The following AFG2A variants were observed in gnomAD, a reference collection of about 807,000 sequenced individuals.
AFG2A encodes AAA ATPase AFG2A.
the AFG2A span, among the ~76,000 whole-genome samples, chr4:123,205,998 C>T: frequency 6.6e-6 from 1 of 152,076 alleles, no homozygotes; most frequent in Admixed American, 6.6e-5. Flanking sequence ...TTCCTAAAAG[C>T]TAACTAAATG....
the AFG2A span, among the ~76,000 whole-genome samples, chr4:123,122,195 G>T: frequency 1.3e-5 from 2 of 152,090 alleles, no homozygotes; most frequent in Non-Finnish European, 2.9e-5. Flanking sequence ...AGATAGATTT[G>T]TTCTGAGATA....
the AFG2A span, chr4:122,933,957 A>C: frequency 4.1e-5 from 43 of 1,051,880 alleles, no homozygotes; most frequent in African/African-American, 6.3e-4. Context: ...TAGGTCCTCA[A>C]TTTTTTATGA....
the AFG2A span, among the ~76,000 whole-genome samples, chr4:123,239,516 G>T: frequency 1.3e-5 from 2 of 152,282 alleles, no homozygotes; most frequent in Middle Eastern, 3.4e-3. Flanking sequence ...AGAAGAGAGT[G>T]GGGGTCAAGA....
chr4:123,221,758 C>G, the AFG2A span, among the ~76,000 whole-genome samples: 2 of 152,010 alleles, frequency 1.3e-5, no homozygotes, highest in Non-Finnish European at 2.9e-5. Flanking sequence ...AACCCCGTCT[C>G]TACTAAAAAT....
chr4:122,965,881 G>T, the AFG2A span, among the ~76,000 whole-genome samples: 3 of 152,016 alleles, frequency 2.0e-5, no homozygotes, highest in Non-Finnish European at 4.4e-5. Flanking sequence ...TTTAAACTTA[G>T]CATCATAGAA....
chr4:123,060,236 A>G, the AFG2A span, among the ~76,000 whole-genome samples: 6 of 152,242 alleles, frequency 3.9e-5, no homozygotes, highest in South Asian at 1.0e-3. Context: ...TCAGTAACCT[A>G]CCATTCTAGG....
chr4:123,256,599 A>C, the AFG2A span: 1 of 632,772 alleles, frequency 1.6e-6, no homozygotes, highest in Non-Finnish European at 2.0e-6. Flanking sequence ...TAAAATTAGG[A>C]TATCATGAGT....
At chr4:123,138,628 C>T in the AFG2A span, among the ~76,000 whole-genome samples, 2 of 151,968 alleles carry the variant, frequency 1.3e-5, no homozygotes, top group Non-Finnish European at 1.5e-5. Context: ...AATACTACTG[C>T]AAGTTGTGTA....
At chr4:123,113,653 G>A in the AFG2A span, among the ~76,000 whole-genome samples, 1 of 152,166 alleles carries the variant, frequency 6.6e-6, no homozygotes, top group Non-Finnish European at 1.5e-5. Flanking sequence ...GTAAATTCTT[G>A]CAGCCCTTCC....
the AFG2A span, among the ~76,000 whole-genome samples, chr4:123,298,015 C>T: frequency 3.3e-5 from 5 of 152,270 alleles, no homozygotes; most frequent in South Asian, 2.1e-4. Flanking sequence ...CTATCCAGCC[C>T]TCCTAAGGAT....
the AFG2A span, among the ~76,000 whole-genome samples, chr4:123,109,580 G>T: frequency 2.6e-5 from 4 of 152,106 alleles, no homozygotes; most frequent in African/African-American, 9.7e-5. Context: ...CATAGGAAAA[G>T]ATTATATCAA....
the AFG2A span, among the ~76,000 whole-genome samples, chr4:123,016,885 C>G: frequency 2.6e-5 from 4 of 152,142 alleles, no homozygotes; most frequent in Admixed American, 6.5e-5. Flanking sequence ...CTCGGGACGC[C>G]GAGGCTGGCG....
At chr4:123,001,831 A>G in the AFG2A span, among the ~76,000 whole-genome samples, 2 of 151,468 alleles carry the variant, frequency 1.3e-5, no homozygotes, top group African/African-American at 2.4e-5. Context: ...TGCTTGGTGC[A>G]GAGCTGAGTT....
the AFG2A span, among the ~76,000 whole-genome samples, chr4:122,987,937 T>C: frequency 2.0e-5 from 3 of 152,214 alleles, no homozygotes; most frequent in Admixed American, 2.0e-4. Flanking sequence ...TTAGTTAGCA[T>C]CCTTTCATTT....
the AFG2A span, chr4:122,947,396 C>G: frequency 9.4e-5 from 151 of 1,613,964 alleles, no homozygotes; most frequent in African/African-American, 1.8e-3. Flanking sequence ...CGAAGGGTAC[C>G]CCATTTGCTC....
chr4:123,279,702 T>G, the AFG2A span, among the ~76,000 whole-genome samples: 2 of 152,150 alleles, frequency 1.3e-5, no homozygotes, highest in Non-Finnish European at 2.9e-5. Context: ...AATTTTTCAG[T>G]TCACTGAAGA....
chr4:123,250,494 A>G, the AFG2A span, among the ~76,000 whole-genome samples: 3 of 152,198 alleles, frequency 2.0e-5, no homozygotes, highest in Non-Finnish European at 4.4e-5. Context: ...GGAGCACACA[A>G]GCAGAGTTCA....
the AFG2A span, among the ~76,000 whole-genome samples, chr4:123,074,422 T>C: frequency 1.4e-5 from 2 of 141,598 alleles, no homozygotes; most frequent in African/African-American, 5.3e-5. Flanking sequence ...TCTTTTGCAC[T>C]CTATTCTGTT....
the AFG2A span, among the ~76,000 whole-genome samples, chr4:123,248,805 A>G: frequency 6.6e-6 from 1 of 152,182 alleles, no homozygotes; most frequent in Non-Finnish European, 1.5e-5. Flanking sequence ...TCATTGTTCC[A>G]TTTATTCAAA....
Sources: allele counts gnomAD v4.1 joint callset (sites outside exome capture counted in the v4.1 genomes callset), GRCh38; gene constraint gnomAD v4.1.1; transcripts MANE v1.5; gene names NCBI Gene and HGNC (gene_info 2026-07-23, HGNC 2026-07-21).